The following TRAPPC9 variants were observed in gnomAD, a reference collection of about 807,000 sequenced individuals.
The protein encoded by TRAPPC9 is IKK2 binding protein.
A neutral mutation model predicts 124.0 loss-of-function variants in TRAPPC9; 83 were observed. The observed-to-expected ratio is 0.67, with a 90% CI of 0.56 to 0.80. The LOEUF is 0.80. Among genes scored for constraint, TRAPPC9 ranks in the 30% least tolerant of loss-of-function variants. The pLI is 0.00. For missense variants in TRAPPC9, 1,302 were observed against 1,508.3 expected, an observed-to-expected ratio of 0.86 and a Z score of 2.27; for synonymous variants, 638 against 617.5, an observed-to-expected ratio of 1.03 and a Z score of -0.49.
At chr8:139,817,666 G>A (rs541672222) in intron 21 of TRAPPC9, among the ~76,000 whole-genome samples, 8 of 152,360 alleles carry the variant, frequency 5.3e-5, no homozygotes, top group East Asian at 1.9e-4. Flanking sequence ...GCTGCTCACC[G>A]CACAGCCTTC....
At chr8:140,073,121 A>G (rs1221749825) in intron 17 of TRAPPC9, among the ~76,000 whole-genome samples, 1 of 152,230 alleles carries the variant, frequency 6.6e-6, no homozygotes, top group Non-Finnish European at 1.5e-5. Context: ...CAACGATTTT[A>G]TAAAACTGTT....
At chr8:140,198,866 G>C (rs893011999) in intron 17 of TRAPPC9, among the ~76,000 whole-genome samples, 1 of 152,176 alleles carries the variant, frequency 6.6e-6, no homozygotes, top group Non-Finnish European at 1.5e-5. Context: ...CACCAAGGAC[G>C]TTCTTGTATT....
intron 11 of TRAPPC9, among the ~76,000 whole-genome samples, chr8:140,300,100 A>T (rs76221458): frequency 0.033 from 5,082 of 152,316 alleles, 284 homozygotes; most frequent in African/African-American, 0.11. Flanking sequence ...TAAATTTTTT[A>T]AAATCACATC....
chr8:140,385,375 A>G (rs957002123), intron 7 of TRAPPC9, among the ~76,000 whole-genome samples: 1 of 152,028 alleles, frequency 6.6e-6, no homozygotes, highest in East Asian at 2.0e-4. Context: ...CAATGAATCC[A>G]GGAGCTGGTT....
At position 139,936,761 on chromosome 8, in the gene TRAPPC9, T is replaced by C. The variant is rs192341532; in HGVS notation, c.2811-26461A>G. On this transcript the variant is annotated intron_variant, in intron 19 of 22. Transcript: ENST00000438773. ...AGGGAGAGAATAGGGGAGTGGGCAC[T>C]GCAGTGTGGTATAAAGCATGGAGAG... is the stretch of plus-strand genomic sequence containing the variant. Among the ~76,000 whole-genome samples, 335 of 141,180 alleles carry C rather than the reference T, an allele frequency of 2.4e-3. 4 individuals are homozygous for C. Among genetic ancestry groups the C allele is most frequent in the African/African-American group, 8.0e-3 (286 of 35,542 alleles). 92.6% of individuals were successfully genotyped at this position (141,180 alleles called of 152,430 possible).
intron 21 of TRAPPC9, among the ~76,000 whole-genome samples, chr8:139,864,696 CA>C (rs1828407598): frequency 1.3e-5 from 2 of 148,490 alleles, no homozygotes; most frequent in Non-Finnish European, 3.0e-5. Flanking sequence ...TGCCGACCGC[CA>C]GCAAGCCCTG....
chr8:139,953,931 A>T (rs541006401), intron 19 of TRAPPC9, among the ~76,000 whole-genome samples: 1 of 152,348 alleles, frequency 6.6e-6, no homozygotes, highest in Non-Finnish European at 1.5e-5. Flanking sequence ...GACTGACCAC[A>T]TCCAATGCTG....
At chr8:140,122,023 T>TTCTCTCTCTC (rs533446141) in intron 17 of TRAPPC9, among the ~76,000 whole-genome samples, 271 of 138,534 alleles carry the variant, frequency 2.0e-3, no homozygotes, top group African/African-American at 6.3e-3. Context: ...CTTTCTTTCT[T>TTCTCTCTCTC]TCTCTCTCTC....
chr8:140,004,008 T>G (rs1413578051), intron 18 of TRAPPC9, among the ~76,000 whole-genome samples: 2 of 151,896 alleles, frequency 1.3e-5, no homozygotes, highest in Admixed American at 6.6e-5. Context: ...AGAAAGCAAC[T>G]CAGAAATAAA....
At chr8:139,838,418 A>G (rs1043769215) in intron 21 of TRAPPC9, among the ~76,000 whole-genome samples, 1 of 152,194 alleles carries the variant, frequency 6.6e-6, no homozygotes, top group African/African-American at 2.4e-5. Context: ...GAACAAGCAA[A>G]CATGAATAAC....
intron 10 of TRAPPC9, 137 bp from the exon 11 acceptor site, chr8:140,300,751 C>T (rs1043958746): frequency 3.3e-5 from 34 of 1,044,774 alleles, no homozygotes; most frequent in East Asian, 9.6e-5. Flanking sequence ...AAAAGCACTC[C>T]GAGGCATCAG....
At chr8:139,953,472 A>C (rs966036263) in intron 19 of TRAPPC9, among the ~76,000 whole-genome samples, 5 of 152,230 alleles carry the variant, frequency 3.3e-5, no homozygotes, top group Non-Finnish European at 7.3e-5. Context: ...AGCCTGGGTG[A>C]CAGAGCAAGA....
chr8:140,210,262 G>A (rs2063026290), intron 17 of TRAPPC9, among the ~76,000 whole-genome samples: 1 of 152,186 alleles, frequency 6.6e-6, no homozygotes. Flanking sequence ...CACCCAGCAG[G>A]GCCACGCCGC....
intron 19 of TRAPPC9, among the ~76,000 whole-genome samples, chr8:139,955,526 C>T (rs1834914010): frequency 6.6e-6 from 1 of 152,136 alleles, no homozygotes; most frequent in South Asian, 2.1e-4. Context: ...GGCTCCAACC[C>T]CACTGATGCA....
chr8:139,769,955 G>A (rs1257837262), intron 21 of TRAPPC9, among the ~76,000 whole-genome samples: 1 of 152,228 alleles, frequency 6.6e-6, no homozygotes, highest in Non-Finnish European at 1.5e-5. Flanking sequence ...CCTAGCTCCT[G>A]CAACTCCCCA....
At chr8:140,069,750 C>T (rs1024772626) in intron 17 of TRAPPC9, among the ~76,000 whole-genome samples, 2 of 152,104 alleles carry the variant, frequency 1.3e-5, no homozygotes, top group African/African-American at 4.8e-5. Flanking sequence ...CTAGGTTCAC[C>T]ACACCAAGCC....
chr8:140,020,485 G>A (rs1839771973), intron 18 of TRAPPC9, among the ~76,000 whole-genome samples: 1 of 152,136 alleles, frequency 6.6e-6, no homozygotes, highest in African/African-American at 2.4e-5. Flanking sequence ...AAATAAACCA[G>A]TTGCGGTCCT....
intron 21 of TRAPPC9, among the ~76,000 whole-genome samples, chr8:139,857,835 T>C (rs1263424159): frequency 6.6e-6 from 1 of 152,258 alleles, no homozygotes; most frequent in Non-Finnish European, 1.5e-5. Flanking sequence ...CCAGGTGGCC[T>C]GGCCAGGGAC....
At chr8:139,823,483 C>T (rs889856699) in intron 21 of TRAPPC9, among the ~76,000 whole-genome samples, 4 of 152,222 alleles carry the variant, frequency 2.6e-5, no homozygotes, top group South Asian at 2.1e-4. Context: ...TGAAATGCCA[C>T]GCCAAGGACT....
Sources: allele counts gnomAD v4.1 joint callset (sites outside exome capture counted in the v4.1 genomes callset), GRCh38; gene constraint gnomAD v4.1.1; transcripts MANE v1.5; gene names NCBI Gene and HGNC (gene_info 2026-07-23, HGNC 2026-07-21).